FBN2: variants seen among roughly 807,000 people sequenced by gnomAD.
The protein encoded by FBN2 is fibrillin 2.
Under a neutral mutation model 355.6 loss-of-function variants are expected in FBN2, and 105 were observed. That is an observed-to-expected ratio of 0.30 (90% confidence interval 0.25 to 0.35). FBN2 has a LOEUF of 0.35. Ranked by LOEUF, FBN2 falls within the 10% of genes least tolerant of loss-of-function variation. The pLI, the probability that FBN2 is intolerant of heterozygous loss-of-function variation, is 1.00. For synonymous variants in FBN2, 1,350 were observed against 1,301.2 expected, an observed-to-expected ratio of 1.04 and a Z score of -0.81; for missense variants, 3,280 against 3,758.7, an observed-to-expected ratio of 0.87 and a Z score of 3.33.
intron 56 of FBN2, among the ~76,000 whole-genome samples, chr5:128,279,196 G>A (rs191694917): frequency 1.3e-5 from 2 of 152,170 alleles, no homozygotes; most frequent in Admixed American, 1.3e-4. Flanking sequence ...ATTAGTTTCT[G>A]GAAAGCAAAC....
Position 128,301,576 on chromosome 5 carries a change from C to G in FBN2, c.5918-66G>C, listed in dbSNP as rs570698727. On this transcript the variant is annotated intron_variant, in intron 46 of 64. Coordinates refer to ENST00000262464, the MANE Select transcript of FBN2 (RefSeq NM_001999.4). Reference sequence around the variant, plus strand: ...AACATGTATATTGTTTCACAAGACGCTACTTAAAAACATACTTATTGGCAT... The same window carrying G: ...AACATGTATATTGTTTCACAAGACGGTACTTAAAAACATACTTATTGGCAT... The G allele has an allele frequency of 1.5e-4, 229 of 1,497,174 alleles. No individual in the cohort carries two copies. The African/African-American group carries it at 2.9e-3, about 19-fold the overall frequency. The allele number at this position is 1,497,174 out of a possible 1,614,324, so 92.7% of individuals were successfully genotyped here.
At chr5:128,307,101 T>A in intron 42 of FBN2, 34 bp downstream of exon 42, 1 of 1,302,546 alleles carries the variant, frequency 7.7e-7, no homozygotes, top group Non-Finnish European at 1.1e-6. Flanking sequence ...GCTACACATA[T>A]GTATTAAAAC....
chr5:128,331,563 G>A (rs1248619650), intron 32 of FBN2, among the ~76,000 whole-genome samples: 1 of 152,208 alleles, frequency 6.6e-6, no homozygotes, highest in Non-Finnish European at 1.5e-5. Flanking sequence ...ACTATGAAGA[G>A]ATCGAATCCA....
chr5:128,430,511 TA>T (rs1300908642), intron 7 of FBN2, among the ~76,000 whole-genome samples: 2 of 152,158 alleles, frequency 1.3e-5, no homozygotes, highest in African/African-American at 4.8e-5. Flanking sequence ...CCTATAGCAG[TA>T]GTTGCTTATA....
Position 128,259,692 on chromosome 5 carries a change from A to G in FBN2, c.8502T>C (p.Tyr2834=), listed in dbSNP as rs1764915042. ...AIQPLNNHIR[Y]VISQGNDDSV... ...TGTCATCGTTCCCTTGAGAGATGAC[A>G]TAACGGATGTGGTTGTTGAGGGGCT... Residue 2834 remains tyrosine (Y), a synonymous_variant, in exon 65 of 65, where the codon TAT becomes TAC. Transcript: ENST00000262464. 2.5e-6 allele frequency: 4 copies of G among 1,613,914 alleles called. No individual in the cohort carries two copies. Among genetic ancestry groups the G allele is most frequent in the African/African-American group, 2.7e-5 (2 of 74,888 alleles).
chr5:128,439,789 A>T (rs572726907), intron 7 of FBN2, among the ~76,000 whole-genome samples: 1 of 152,078 alleles, frequency 6.6e-6, no homozygotes, highest in Non-Finnish European at 1.5e-5. Context: ...AGTGGCCAAC[A>T]CACTGAAATA....
chr5:128,318,249 A>C lies in FBN2; in HGVS notation c.4617T>G (p.Pro1539=), dbSNP rs765263312. ...NCTDIDECAD[P]INCVNGLCVN... ...CACATAGGCCATTGACACAGTTTAT[A>C]GGATCTGCACACTCATCAATATCTA... Residue 1539 remains proline (P), a synonymous_variant, in exon 36 of 65, where the codon CCT becomes CCG. Coordinates refer to ENST00000262464, the MANE Select transcript of FBN2 (RefSeq NM_001999.4). The C allele has an allele frequency of 1.4e-5, 22 of 1,614,060 alleles. No individual in the cohort carries two copies. In the East Asian group the frequency reaches 4.9e-4, roughly 36 times the overall value.
chr5:128,413,974 T>C (rs1213740761), intron 7 of FBN2, among the ~76,000 whole-genome samples: 1 of 152,190 alleles, frequency 6.6e-6, no homozygotes, highest in Admixed American at 6.5e-5. Flanking sequence ...AGTGCAATAA[T>C]TTGCTGCCTA....
At chr5:128,492,315 G>C (rs1755528016) in intron 5 of FBN2, among the ~76,000 whole-genome samples, 1 of 152,084 alleles carries the variant, frequency 6.6e-6, no homozygotes, top group Non-Finnish European at 1.5e-5. Context: ...CTTTTTCACT[G>C]TCCAATAGCC....
chr5:128,479,966 CTCTCTCTCTCTATATA>C (rs1561477185), intron 5 of FBN2, among the ~76,000 whole-genome samples: 5 of 31,588 alleles, frequency 1.6e-4, no homozygotes, highest in East Asian at 1.0e-3. Flanking sequence ...CTCTCTCTCT[CTCTCTCTCTCTATATA>C]TATATATATA....
chr5:128,332,959 T>C lies in FBN2; in HGVS notation c.4175A>G (p.Lys1392Arg). The C allele has an allele frequency of 3.1e-6, 5 of 1,613,782 alleles. No homozygotes were observed. The highest frequency in any genetic ancestry group is 4.2e-6 in the Non-Finnish European group (5 of 1,179,708). ...ASCLNIPGSFKCSCREGWIGN... is the reference protein window; with the variant it reads ...ASCLNIPGSFRCSCREGWIGN... ...AATCCAGCCTTCTCTGCAGCTACAC[T>C]TGAAGCTTCCTGGGATATTCAGACA... The change falls in exon 32 of 65, where the codon AAG (lysine) becomes AGG (arginine). Residue 1392 changes from lysine to arginine, a missense_variant. Lys to Arg is a conservative substitution (Grantham distance 26). Transcript: ENST00000262464.
chr5:128,329,775 T>C (rs1351808391), intron 33 of FBN2, among the ~76,000 whole-genome samples: 1 of 152,252 alleles, frequency 6.6e-6, no homozygotes, highest in Non-Finnish European at 1.5e-5. Context: ...GAAAAAAATT[T>C]AGGCTATCCG....
chr5:128,476,263 T>G (rs1392499559), intron 5 of FBN2, among the ~76,000 whole-genome samples: 1 of 152,158 alleles, frequency 6.6e-6, no homozygotes, highest in Non-Finnish European at 1.5e-5. Context: ...CTTTATATAC[T>G]TAAAATGATG....
chr5:128,370,671 T>C (rs996727928), intron 15 of FBN2, among the ~76,000 whole-genome samples: 1 of 152,164 alleles, frequency 6.6e-6, no homozygotes, highest in African/African-American at 2.4e-5. Flanking sequence ...TTACTGATGA[T>C]CTTGGAAGGC....
At chr5:128,491,224 C>A (rs777863611) in intron 5 of FBN2, among the ~76,000 whole-genome samples, 1 of 152,190 alleles carries the variant, frequency 6.6e-6, no homozygotes, top group African/African-American at 2.4e-5. Context: ...TTAAAACTGG[C>A]TTTTAAAAGC....
At chr5:128,359,293 T>G (rs1751580383) in intron 19 of FBN2, among the ~76,000 whole-genome samples, 1 of 152,030 alleles carries the variant, frequency 6.6e-6, no homozygotes, top group Admixed American at 6.6e-5. Flanking sequence ...TTGCAATGAA[T>G]CTGCTAATAA....
At chr5:128,531,087 G>A (rs1009310639) in intron 2 of FBN2, among the ~76,000 whole-genome samples, 1 of 151,974 alleles carries the variant, frequency 6.6e-6, no homozygotes, top group Non-Finnish European at 1.5e-5. Flanking sequence ...ATTCACAACT[G>A]AAAAATCGTG....
At chr5:128,365,075 T>C (rs1751733073) in intron 17 of FBN2, 1 of 222,504 alleles carries the variant, frequency 4.5e-6, no homozygotes, top group South Asian at 6.7e-5. Flanking sequence ...ATTGTAATCA[T>C]CTAACTAAAA....
intron 5 of FBN2, among the ~76,000 whole-genome samples, chr5:128,465,199 A>G (rs1754676942): frequency 6.6e-6 from 1 of 152,182 alleles, no homozygotes; most frequent in Non-Finnish European, 1.5e-5. Flanking sequence ...CTTTTACAGA[A>G]TTTAAATTAG....
Sources: gnomAD v4.1 joint callset for allele counts (sites outside exome capture counted in the v4.1 genomes callset) on GRCh38, gnomAD v4.1.1 for gene constraint, MANE v1.5 for transcripts, NCBI Gene and HGNC (gene_info 2026-07-23, HGNC 2026-07-21) for gene names.